The following CSMD1 variants were observed in gnomAD, a reference collection of about 807,000 sequenced individuals.
CSMD1 encodes the protein CUB and sushi domain-containing protein 1.
Under a neutral mutation model 417.5 loss-of-function variants are expected in CSMD1, and 213 were observed. The ratio of observed to expected loss-of-function variants is 0.51; its 90% CI spans 0.46 to 0.57. CSMD1 has a LOEUF of 0.57. Ranked by LOEUF, CSMD1 falls within the 20% of genes least tolerant of loss-of-function variation. CSMD1 has a pLI of 0.00. For missense variants in CSMD1, 6,923 were observed against 4,529.7 expected (o/e 1.53, Z -15.17); for synonymous variants, 2,862 against 1,736.8 (o/e 1.65, Z -16.11).
chr8:4,125,159 C>G (rs916462994), intron 3 of CSMD1, among the ~76,000 whole-genome samples: 2 of 151,958 alleles, frequency 1.3e-5, no homozygotes, highest in African/African-American at 4.8e-5. Flanking sequence ...CTTCTTGTCT[C>G]AAAAGGAAGA....
intron 1 of CSMD1, among the ~76,000 whole-genome samples, chr8:4,939,280 G>A (rs180992846): frequency 6.6e-6 from 1 of 152,282 alleles, no homozygotes; most frequent in African/African-American, 2.4e-5. Context: ...ACAACCATAT[G>A]ATGCAGCAAT....
chr8:4,494,717 G>C (rs1305099289), intron 2 of CSMD1, among the ~76,000 whole-genome samples: 1 of 151,686 alleles, frequency 6.6e-6, no homozygotes, highest in Admixed American at 6.6e-5. Flanking sequence ...AGTCAGTTGG[G>C]TTAAGTATGC....
intron 5 of CSMD1, among the ~76,000 whole-genome samples, chr8:3,969,243 C>A (rs1389292523): frequency 1.3e-5 from 2 of 152,104 alleles, no homozygotes; most frequent in African/African-American, 4.8e-5. Context: ...GAGTGAGACT[C>A]TGTCTCGATA....
At chr8:3,919,630 T>A (rs1809088395) in intron 5 of CSMD1, among the ~76,000 whole-genome samples, 1 of 152,178 alleles carries the variant, frequency 6.6e-6, no homozygotes, top group Non-Finnish European at 1.5e-5. Flanking sequence ...CTTTTGTGAT[T>A]CCATACAAAT....
rs181775199 is a variant in CSMD1 at position 3,213,397 on chromosome 8, T to A, written c.4867+1100A>T. Among the ~76,000 whole-genome samples, 142 of 152,236 alleles carry A rather than the reference T, an allele frequency of 9.3e-4. 2 individuals carry two copies. The highest frequency in any genetic ancestry group is 3.3e-3 in the African/African-American group (136 of 41,540). On this transcript the variant is annotated intron_variant, in intron 30 of 69. Coordinates refer to ENST00000635120, the MANE Select transcript of CSMD1 (RefSeq NM_033225.6). ...GAGTGTTTGCCTATAGAGACCCCCATGAAACCACCACCTAGGTGAAGATAT... is the reference window on the plus strand; with the variant it reads ...GAGTGTTTGCCTATAGAGACCCCCAAGAAACCACCACCTAGGTGAAGATAT...
intron 4 of CSMD1, among the ~76,000 whole-genome samples, chr8:4,016,855 A>G (rs1393649861): frequency 2.0e-5 from 3 of 152,212 alleles, no homozygotes; most frequent in Non-Finnish European, 4.4e-5. Context: ...AAAGACCAAG[A>G]ACAGCAGTTT....
At chr8:3,649,504 G>T (rs886330163) in intron 7 of CSMD1, among the ~76,000 whole-genome samples, 1 of 152,118 alleles carries the variant, frequency 6.6e-6, no homozygotes, top group East Asian at 1.9e-4. Flanking sequence ...TTACAATCAT[G>T]GTGGAAAGCA....
At chr8:3,661,412 C>G (rs1051009387) in intron 7 of CSMD1, among the ~76,000 whole-genome samples, 2 of 152,178 alleles carry the variant, frequency 1.3e-5, no homozygotes, top group African/African-American at 4.8e-5. Context: ...TCTTCTTCCA[C>G]CACGTGGCTG....
At chr8:3,501,829 A>C (rs1796612669) in intron 10 of CSMD1, among the ~76,000 whole-genome samples, 1 of 152,234 alleles carries the variant, frequency 6.6e-6, no homozygotes, top group Admixed American at 6.5e-5. Flanking sequence ...TTTTCACCTG[A>C]GGTTGTAAGG....
At chr8:3,946,178 A>T (rs1032841471) in intron 5 of CSMD1, among the ~76,000 whole-genome samples, 2 of 152,170 alleles carry the variant, frequency 1.3e-5, no homozygotes, top group Non-Finnish European at 2.9e-5. Context: ...ATTATTACAA[A>T]GAATAAATCT....
intron 1 of CSMD1, among the ~76,000 whole-genome samples, chr8:4,945,784 T>G (rs1408837979): frequency 6.6e-6 from 1 of 152,076 alleles, no homozygotes. Context: ...TGGAGAATGG[T>G]GACGGATGAG....
rs1426518139 is a variant in CSMD1 at position 3,883,957 on chromosome 8, T to C, written c.818+113946A>G. Among the ~76,000 whole-genome samples the C allele has an allele frequency of 9.2e-5, 14 of 152,308 alleles. No homozygotes were observed. In the East Asian group the frequency reaches 1.7e-3, roughly 19 times the overall value. ...GCATACGCTTTTAAACATACATAGA[T>C]ATAGAGTGTGCACATACTAAGATAA... On this transcript the variant is annotated intron_variant, in intron 5 of 69. Coordinates refer to ENST00000635120, the MANE Select transcript of CSMD1 (RefSeq NM_033225.6).
chr8:4,600,318 G>A (rs1800515507), intron 2 of CSMD1, among the ~76,000 whole-genome samples: 1 of 152,132 alleles, frequency 6.6e-6, no homozygotes, highest in South Asian at 2.1e-4. Context: ...ATAGAGATGG[G>A]TAGAAATGGA....
intron 4 of CSMD1, among the ~76,000 whole-genome samples, chr8:4,005,132 T>A (rs2554668): frequency 0.36 from 55,289 of 151,872 alleles, 10,331 homozygotes; most frequent in South Asian, 0.45. Context: ...TTTGGAGATT[T>A]GGGGGGAAGA....
chr8:4,199,135 G>C (rs886766889), intron 3 of CSMD1, among the ~76,000 whole-genome samples: 2 of 152,124 alleles, frequency 1.3e-5, no homozygotes, highest in Admixed American at 6.5e-5. Flanking sequence ...TCATATATTT[G>C]TATGAGACTG....
intron 5 of CSMD1, among the ~76,000 whole-genome samples, chr8:3,863,472 C>A (rs1234910777): frequency 6.6e-6 from 1 of 151,974 alleles, no homozygotes; most frequent in Non-Finnish European, 1.5e-5. Flanking sequence ...CCCAATGACC[C>A]CATCTCCCTG....
At chr8:4,068,707 G>A (rs2130769803) in intron 3 of CSMD1, among the ~76,000 whole-genome samples, 1 of 152,108 alleles carries the variant, frequency 6.6e-6, no homozygotes, top group Admixed American at 6.6e-5. Context: ...ATATCTAGTG[G>A]GGAAAAAAGA....
chr8:3,926,033 ACACACACAC>A, intron 5 of CSMD1, among the ~76,000 whole-genome samples: 1 of 136,182 alleles, frequency 7.3e-6, no homozygotes, highest in African/African-American at 2.9e-5. Flanking sequence ...ACACACACAC[ACACACACAC>A]AAACACCATA....
intron 7 of CSMD1, among the ~76,000 whole-genome samples, chr8:3,654,879 A>T (rs1452901626): frequency 6.6e-6 from 1 of 152,140 alleles, no homozygotes; most frequent in East Asian, 1.9e-4. Flanking sequence ...GCTCTGCAAC[A>T]GACTGGGAGA....
Sources: gnomAD v4.1 joint callset for allele counts (sites outside exome capture counted in the v4.1 genomes callset) on GRCh38, gnomAD v4.1.1 for gene constraint, MANE v1.5 for transcripts, NCBI Gene and HGNC (gene_info 2026-07-23, HGNC 2026-07-21) for gene names.